The following TTBK2 variants were observed in gnomAD, a reference collection of about 807,000 sequenced individuals.
The protein encoded by TTBK2 is tau tubulin kinase 2, also known as tau-tubulin kinase 2.
A neutral mutation model predicts 110.8 loss-of-function variants in TTBK2; 28 were observed. The observed-to-expected ratio is 0.25, with a 90% CI of 0.19 to 0.35. The LOEUF (loss-of-function observed/expected upper bound fraction) is 0.35. Among genes scored for constraint, TTBK2 ranks in the 10% least tolerant of loss-of-function variants. TTBK2 has a pLI of 1.00. For missense variants in TTBK2, 1,369 were observed against 1,500.3 expected (o/e 0.91, Z 1.45); for synonymous variants, 532 against 527.3 (o/e 1.01, Z -0.12).
intron 1 of TTBK2, among the ~76,000 whole-genome samples, chr15:42,884,806 G>A (rs918253178): frequency 1.3e-5 from 2 of 152,288 alleles, no homozygotes; most frequent in East Asian, 1.9e-4. Context: ...CCTGTGACCT[G>A]CACGTATACA....
chr15:42,782,535 A>G (rs1243789161), intron 11 of TTBK2, among the ~76,000 whole-genome samples: 1 of 152,238 alleles, frequency 6.6e-6, no homozygotes, highest in Admixed American at 6.5e-5. Context: ...CTACCCAAAG[A>G]GACCGTAAGC....
chr15:42,801,781 T>C (rs1439663218), intron 9 of TTBK2: 1 of 816,590 alleles, frequency 1.2e-6, no homozygotes, highest in Admixed American at 1.7e-5. Context: ...CAGGGAAGAC[T>C]CCAGCTCCAT....
At chr15:42,750,200 A>T (rs898398590) in intron 14 of TTBK2, among the ~76,000 whole-genome samples, 15 of 152,200 alleles carry the variant, frequency 9.9e-5, no homozygotes, top group South Asian at 4.1e-4. Context: ...CAAAAAAAAT[A>T]AAAAAACTTA....
chr15:42,817,652 C>A (rs1892095080), intron 6 of TTBK2, among the ~76,000 whole-genome samples: 1 of 152,108 alleles, frequency 6.6e-6, no homozygotes, highest in African/African-American at 2.4e-5. Flanking sequence ...GAAATAACAC[C>A]AACATGAAAA....
intron 9 of TTBK2, among the ~76,000 whole-genome samples, chr15:42,809,407 T>C (rs1287454464): frequency 3.3e-5 from 5 of 152,228 alleles, no homozygotes; most frequent in Non-Finnish European, 5.9e-5. Flanking sequence ...TCTTTAGATA[T>C]AGGTTTAAGA....
intron 10 of TTBK2, among the ~76,000 whole-genome samples, chr15:42,791,341 C>A (rs1165818996): frequency 6.6e-6 from 1 of 152,118 alleles, no homozygotes; most frequent in Non-Finnish European, 1.5e-5. Context: ...TAAATCTAAC[C>A]TTCTACTATT....
chr15:42,845,025 A>G (rs1183994007), intron 3 of TTBK2, among the ~76,000 whole-genome samples: 1 of 152,262 alleles, frequency 6.6e-6, no homozygotes, highest in Non-Finnish European at 1.5e-5. Flanking sequence ...AATATTATAC[A>G]TAAACTGCTA....
intron 10 of TTBK2, among the ~76,000 whole-genome samples, chr15:42,790,847 G>A (rs1890638552): frequency 6.6e-6 from 1 of 151,762 alleles, no homozygotes; most frequent in South Asian, 2.1e-4. Context: ...CTACAGGTGT[G>A]CGCCATCATG....
chr15:42,886,219 G>T (rs1895241440), intron 1 of TTBK2, among the ~76,000 whole-genome samples: 2 of 151,914 alleles, frequency 1.3e-5, no homozygotes, highest in African/African-American at 4.8e-5. Context: ...GCCAAGCCAG[G>T]TCCCAATTCT....
chr15:42,816,092 ATATATATAT>A (rs1892008351), intron 7 of TTBK2, among the ~76,000 whole-genome samples: 2 of 108,066 alleles, frequency 1.9e-5, no homozygotes, highest in South Asian at 5.4e-4. Flanking sequence ...ATAAATATAT[ATATATATAT>A]ATATATATAT....
Position 42,800,415 on chromosome 15 carries a change from A to G in TTBK2, c.823-5614T>C, listed in dbSNP as rs1891134915. On this transcript the variant is annotated intron_variant, in intron 9 of 14. Transcript: ENST00000267890. Reference sequence around the variant, plus strand: ...CCTCTCATCCTTAGCACAAAATGCAATCAATAACTGTATCATATTTACCTC... The same window carrying G: ...CCTCTCATCCTTAGCACAAAATGCAGTCAATAACTGTATCATATTTACCTC... The G allele has an allele frequency of 3.1e-5, 10 of 326,736 alleles. 1 individual carries two copies. In the Middle Eastern group the frequency reaches 3.5e-3, roughly 115 times the overall value. The allele number at this position is 326,736 out of a possible 1,614,324, so 20.2% of individuals were successfully genotyped here.
chr15:42,786,887 A>G (rs1221644260), intron 10 of TTBK2, among the ~76,000 whole-genome samples: 2 of 152,196 alleles, frequency 1.3e-5, no homozygotes, highest in Non-Finnish European at 2.9e-5. Flanking sequence ...CAGGAAAATT[A>G]TATCATGTTC....
chr15:42,818,932 A>C (rs1595946197), intron 6 of TTBK2, among the ~76,000 whole-genome samples: 1 of 149,506 alleles, frequency 6.7e-6, no homozygotes, highest in African/African-American at 2.4e-5. Context: ...CAAAAAAAAA[A>C]AACAAAAAAC....
chr15:42,818,399 C>A (rs1255986562), intron 6 of TTBK2, among the ~76,000 whole-genome samples: 1 of 152,072 alleles, frequency 6.6e-6, no homozygotes, highest in East Asian at 1.9e-4. Context: ...AATAGTAAAA[C>A]CAGGCATTAA....
At chr15:42,890,908 G>T (rs1175296623) in intron 1 of TTBK2, among the ~76,000 whole-genome samples, 1 of 152,038 alleles carries the variant, frequency 6.6e-6, no homozygotes, top group Non-Finnish European at 1.5e-5. Flanking sequence ...CACTCCTTTT[G>T]CCCAGGATGG....
chr15:42,754,298 C>A (rs1039144405), intron 13 of TTBK2, among the ~76,000 whole-genome samples: 5 of 152,108 alleles, frequency 3.3e-5, no homozygotes, highest in African/African-American at 1.2e-4. Flanking sequence ...CCAGGCTGGT[C>A]TCGAACTCCT....
intron 9 of TTBK2, among the ~76,000 whole-genome samples, chr15:42,799,957 G>A (rs1352194915): frequency 6.6e-6 from 1 of 152,042 alleles, no homozygotes; most frequent in Non-Finnish European, 1.5e-5. Context: ...AATTAGCCAG[G>A]TGTGGTGGTG....
At chr15:42,766,643 G>C (rs887514212) in intron 13 of TTBK2, among the ~76,000 whole-genome samples, 1 of 152,002 alleles carries the variant, frequency 6.6e-6, no homozygotes, top group African/African-American at 2.4e-5. Flanking sequence ...CAAGTCCTTA[G>C]AGACCTACAA....
At chr15:42,904,176 A>G (rs1450151495) in intron 1 of TTBK2, among the ~76,000 whole-genome samples, 1 of 152,208 alleles carries the variant, frequency 6.6e-6, no homozygotes, top group Non-Finnish European at 1.5e-5. Context: ...TGACCCACAG[A>G]CATCGTGAGA....
Sources: allele counts gnomAD v4.1 joint callset (sites outside exome capture counted in the v4.1 genomes callset), GRCh38; gene constraint gnomAD v4.1.1; transcripts MANE v1.5; gene names NCBI Gene and HGNC (gene_info 2026-07-23, HGNC 2026-07-21).